MAF: variants seen among roughly 807,000 people sequenced by gnomAD.
MAF encodes MAF bZIP transcription factor.
Under a neutral mutation model 22.0 loss-of-function variants are expected in MAF, and 10 were observed. The ratio of observed to expected loss-of-function variants is 0.45; its 90% CI spans 0.28 to 0.77. The LOEUF (loss-of-function observed/expected upper bound fraction) is 0.77, where lower values mean the gene tolerates loss of function less well. Ranked by LOEUF, MAF falls within the 30% of genes least tolerant of loss-of-function variation. MAF has a pLI of 0.12. For missense variants in MAF, 544 were observed against 548.4 expected (o/e 0.99, Z 0.08); for synonymous variants, 337 against 255.8 (o/e 1.32, Z -3.03).
At chr16:79,247,656 T>A in the MAF span, among the ~76,000 whole-genome samples, 2 of 152,186 alleles carry the variant, frequency 1.3e-5, no homozygotes, top group South Asian at 2.1e-4. Context: ...GTCTTACCAC[T>A]GTCAACCCAT....
At chr16:79,306,617 G>C in the MAF span, among the ~76,000 whole-genome samples, 11 of 152,158 alleles carry the variant, frequency 7.2e-5, no homozygotes, top group African/African-American at 2.4e-4. Flanking sequence ...AAAACTATGG[G>C]GGAAAGCCAT....
At chr16:79,383,174 T>G in the MAF span, among the ~76,000 whole-genome samples, 1 of 151,774 alleles carries the variant, frequency 6.6e-6, no homozygotes, top group African/African-American at 2.4e-5. Flanking sequence ...CAGAAAGAAA[T>G]GCTCAGACTG....
At chr16:79,509,407 C>T in the MAF span, among the ~76,000 whole-genome samples, 2 of 152,246 alleles carry the variant, frequency 1.3e-5, no homozygotes, top group Non-Finnish European at 2.9e-5. Flanking sequence ...GCCTTTGTCT[C>T]TTCCCTCTCT....
the MAF span, among the ~76,000 whole-genome samples, chr16:79,552,664 G>C: frequency 3.9e-5 from 6 of 152,128 alleles, no homozygotes; most frequent in Non-Finnish European, 7.3e-5. Context: ...ACAGGATCTT[G>C]GCTCTCATGA....
the MAF span, among the ~76,000 whole-genome samples, chr16:79,223,452 A>G: frequency 6.6e-6 from 1 of 152,340 alleles, no homozygotes; most frequent in East Asian, 1.9e-4. Context: ...AATTAAAAGA[A>G]CTAGAGAAGC....
chr16:79,410,026 G>A, the MAF span, among the ~76,000 whole-genome samples: 1 of 152,218 alleles, frequency 6.6e-6, no homozygotes, highest in South Asian at 2.1e-4. Context: ...AGGTACACAA[G>A]ATTGAAAACC....
At chr16:79,526,156 G>T in the MAF span, among the ~76,000 whole-genome samples, 13 of 152,168 alleles carry the variant, frequency 8.5e-5, no homozygotes, top group South Asian at 2.1e-4. Flanking sequence ...GAGAAATGGC[G>T]TTAGACCAGC....
the MAF span, among the ~76,000 whole-genome samples, chr16:79,306,099 CGTT>C: frequency 2.6e-5 from 4 of 152,176 alleles, no homozygotes; most frequent in Non-Finnish European, 5.9e-5. Context: ...GAAAAGGTAA[CGTT>C]GGCCTTTTAG....
At chr16:79,510,051 G>A in the MAF span, among the ~76,000 whole-genome samples, 1 of 152,206 alleles carries the variant, frequency 6.6e-6, no homozygotes, top group African/African-American at 2.4e-5. Flanking sequence ...ACTGGAATCA[G>A]GTTTGTAAGA....
chr16:79,274,753 C>G, the MAF span, among the ~76,000 whole-genome samples: 4 of 152,082 alleles, frequency 2.6e-5, no homozygotes, highest in African/African-American at 9.7e-5. Context: ...AGGACTATCC[C>G]CTTGTAAGAC....
chr16:79,285,836 C>A, the MAF span, among the ~76,000 whole-genome samples: 1 of 152,182 alleles, frequency 6.6e-6, no homozygotes, highest in African/African-American at 2.4e-5. Context: ...TTTCCAGGAG[C>A]AATTCTGGTG....
chr16:79,578,406 T>C, the MAF span, among the ~76,000 whole-genome samples: 3 of 152,228 alleles, frequency 2.0e-5, no homozygotes, highest in African/African-American at 7.2e-5. Context: ...CCGATATTTA[T>C]ATTGATACTC....
At chr16:79,442,020 A>G in the MAF span, among the ~76,000 whole-genome samples, 1 of 152,196 alleles carries the variant, frequency 6.6e-6, no homozygotes, top group Non-Finnish European at 1.5e-5. Flanking sequence ...GTGCCAAAGA[A>G]CGCCAGCAGG....
the MAF span, among the ~76,000 whole-genome samples, chr16:79,304,481 T>C: frequency 6.6e-6 from 1 of 152,230 alleles, no homozygotes; most frequent in South Asian, 2.1e-4. Flanking sequence ...ATGGTTTGTT[T>C]TACCATTAAT....
At chr16:79,422,747 T>G in the MAF span, among the ~76,000 whole-genome samples, 1 of 152,206 alleles carries the variant, frequency 6.6e-6, no homozygotes, top group Non-Finnish European at 1.5e-5. Context: ...CCTATTATGT[T>G]CCAGTTACCA....
chr16:79,518,340 C>T, the MAF span, among the ~76,000 whole-genome samples: 1 of 152,210 alleles, frequency 6.6e-6, no homozygotes, highest in Non-Finnish European at 1.5e-5. Flanking sequence ...TGGTGTCCTT[C>T]TCTGGGCATC....
chr16:79,426,670 T>C, the MAF span, among the ~76,000 whole-genome samples: 97,891 of 152,076 alleles, frequency 0.64, 32,204 homozygotes, highest in East Asian at 0.92. Flanking sequence ...CCTAGCTATT[T>C]GCCATTGTTC....
At chr16:79,272,757 TCTC>T in the MAF span, among the ~76,000 whole-genome samples, 34 of 151,976 alleles carry the variant, frequency 2.2e-4, no homozygotes, top group Non-Finnish European at 4.1e-4. Context: ...CAACACAACT[TCTC>T]CTCACCACCC....
the MAF span, among the ~76,000 whole-genome samples, chr16:79,532,108 T>G: frequency 1.3e-5 from 2 of 152,220 alleles, no homozygotes; most frequent in African/African-American, 4.8e-5. Flanking sequence ...AAAATATATT[T>G]GTCATTTATC....
Sources: gnomAD v4.1 joint callset for allele counts (sites outside exome capture counted in the v4.1 genomes callset) on GRCh38, gnomAD v4.1.1 for gene constraint, MANE v1.5 for transcripts, NCBI Gene and HGNC (gene_info 2026-07-23, HGNC 2026-07-21) for gene names.